Variants in AVEN observed in about 807,000 individuals in gnomAD.
AVEN encodes the protein apoptosis and caspase activation inhibitor.
A neutral mutation model predicts 38.1 loss-of-function variants in AVEN; 41 were observed. That is an observed-to-expected ratio of 1.08 (90% CI 0.84 to 1.40). The LOEUF (loss-of-function observed/expected upper bound fraction) is 1.40, where lower values mean the gene tolerates loss of function less well. Among genes scored for constraint, AVEN ranks in the 40% most tolerant of loss-of-function variants. The probability of loss-of-function intolerance (pLI) is 0.00; values close to 1 mark genes in which losing one functional copy is unlikely to be tolerated. For synonymous variants in AVEN, 206 were observed against 171.8 expected (o/e 1.20, Z -1.56); for missense variants, 605 against 438.8 (o/e 1.38, Z -3.38).
intron 2 of AVEN, among the ~76,000 whole-genome samples, chr15:33,952,054 AGAT>A (rs1417533433): frequency 4.6e-5 from 7 of 152,352 alleles, no homozygotes; most frequent in African/African-American, 1.7e-4. Flanking sequence ...CAAGATGTAT[AGAT>A]TATTCAGGGT....
At chr15:33,867,959 G>A in intron 4 of AVEN, 104 bp from the exon 5 acceptor site, 3 of 1,425,098 alleles carry the variant, frequency 2.1e-6, no homozygotes, top group South Asian at 2.9e-5. Flanking sequence ...TTGTGACAGA[G>A]GAAACTCAAT....
In AVEN at chr15:33,867,529, G is replaced by A. The variant is rs767121453; in HGVS notation, c.939C>T (p.Ser313=). 6.3e-7 allele frequency: 1 copy of A among 1,596,366 alleles called. No homozygotes were observed. The highest frequency in any genetic ancestry group is 8.5e-7 in the Non-Finnish European group (1 of 1,172,562). The change falls in exon 5 of 6, where the codon TCC becomes TCT. Residue 313 remains serine (S), a synonymous_variant. Transcript: ENST00000306730. ...LPDQTSQDLK[S]KEDGEVVQEE... The stretch of plus-strand genomic sequence containing the variant: ...CTTGGACCACCTCCCCATCTTCCTT[G>A]GATTTCAGGTCCTGAGACGTCTGAT...
chr15:34,058,576 A>ACG (rs1900236002), intron 5 of AVEN, among the ~76,000 whole-genome samples: 1 of 151,742 alleles, frequency 6.6e-6, no homozygotes, highest in African/African-American at 2.4e-5. Flanking sequence ...ACACACACAC[A>ACG]CACACACACA....
At chr15:33,878,371 TA>T (rs1407761607) in intron 2 of AVEN, among the ~76,000 whole-genome samples, 2 of 152,132 alleles carry the variant, frequency 1.3e-5, no homozygotes, top group Non-Finnish European at 2.9e-5. Flanking sequence ...TATGGAAACT[TA>T]GATATCGTAA....
intron 1 of AVEN, among the ~76,000 whole-genome samples, chr15:34,008,985 A>C (rs1897511864): frequency 6.7e-6 from 1 of 148,256 alleles, no homozygotes; most frequent in Non-Finnish European, 1.5e-5. Context: ...CAGACCATCG[A>C]GAAAACACTG....
intron 1 of AVEN, 25 bp from the exon 2 acceptor site, chr15:34,003,234 TA>T: frequency 6.2e-7 from 1 of 1,609,806 alleles, no homozygotes; most frequent in Non-Finnish European, 8.5e-7. Flanking sequence ...GACAAATCAA[TA>T]AGTAAGCAGT....
At chr15:33,860,929 AAT>A in intron 11 of AVEN, 2 of 575,294 alleles carry the variant, frequency 3.5e-6, no homozygotes, top group South Asian at 4.9e-5. Context: ...ACTAATAGCC[AAT>A]GTATGGCACT....
At chr15:33,965,318 T>C (rs1329120644) in intron 2 of AVEN, among the ~76,000 whole-genome samples, 1 of 152,196 alleles carries the variant, frequency 6.6e-6, no homozygotes, top group East Asian at 1.9e-4. Flanking sequence ...TTTCTCTTCA[T>C]TTATTAACTG....
intron 2 of AVEN, among the ~76,000 whole-genome samples, chr15:33,933,569 AGAGAGAGAGAGAACT>A (rs1893954319): frequency 7.6e-6 from 1 of 131,484 alleles, no homozygotes; most frequent in Non-Finnish European, 1.6e-5. Context: ...AGAGAGAGAG[AGAGAGAGAGAGAACT>A]GAGGCATCCT....
downstream of AVEN, among the ~76,000 whole-genome samples, chr15:33,862,897 G>A (rs540672456): frequency 8.5e-5 from 13 of 152,334 alleles, no homozygotes; most frequent in South Asian, 8.3e-4. Context: ...AATTAGAGGC[G>A]TGAGCCATCA....
chr15:33,966,027 G>C (rs1355720802), intron 2 of AVEN, among the ~76,000 whole-genome samples: 1 of 152,160 alleles, frequency 6.6e-6, no homozygotes, highest in East Asian at 1.9e-4. Context: ...GTACAGGCCA[G>C]TACTTAAGTC....
intron 2 of AVEN, among the ~76,000 whole-genome samples, chr15:33,877,949 AAATAAATAAAT>A (rs754893274): frequency 1.3e-5 from 2 of 152,218 alleles, no homozygotes; most frequent in African/African-American, 2.4e-5. Flanking sequence ...TCTCTGTCTC[AAATAAATAAAT>A]AATAAATAAA....
intron 1 of AVEN, among the ~76,000 whole-genome samples, chr15:34,036,404 G>C (rs1193392656): frequency 6.6e-6 from 1 of 152,146 alleles, no homozygotes; most frequent in Non-Finnish European, 1.5e-5. Flanking sequence ...TGGACAACTG[G>C]TCTTTACATG....
chr15:33,981,510 G>A (rs1036619106), intron 2 of AVEN, among the ~76,000 whole-genome samples: 1 of 152,024 alleles, frequency 6.6e-6, no homozygotes, highest in Non-Finnish European at 1.5e-5. Context: ...GGAAGGGGAG[G>A]AAACACAAGT....
intron 2 of AVEN, among the ~76,000 whole-genome samples, chr15:33,957,273 A>G (rs561086562): frequency 4.6e-5 from 7 of 152,316 alleles, no homozygotes; most frequent in African/African-American, 1.7e-4. Flanking sequence ...CCACACGTAT[A>G]TCCCAAAGGG....
chr15:34,027,825 C>CA (rs539182561), intron 1 of AVEN, among the ~76,000 whole-genome samples: 20,533 of 61,022 alleles, frequency 0.34, 2,366 homozygotes, highest in African/African-American at 0.41. Context: ...AGGTGAGGCT[C>CA]AAAAAAAAAA....
intron 5 of AVEN, among the ~76,000 whole-genome samples, chr15:33,866,950 G>C (rs992665866): frequency 2.0e-5 from 3 of 151,484 alleles, no homozygotes; most frequent in African/African-American, 7.3e-5. Context: ...TTTTTTCAAA[G>C]ACCAACAGCT....
At position 33,940,299 on chromosome 15, in the gene AVEN, T is replaced by A. The variant is rs1485980822; in HGVS notation, c.445+62733A>T. Among the ~76,000 whole-genome samples, 4 of 152,344 alleles carry A rather than the reference T, an allele frequency of 2.6e-5. No individual in the cohort carries two copies. The East Asian group carries it at 7.7e-4, about 29-fold the overall frequency. ...AAAAATCATTAAGGCAGCTATTAAC[T>A]TTCCAAAATAGAGTAATGCCAAATA... On this transcript the variant is annotated intron_variant, in intron 2 of 5. Coordinates refer to ENST00000306730, the MANE Select transcript of AVEN (RefSeq NM_020371.3).
chr15:34,048,824 C>T (rs1899823053), intron 5 of AVEN, among the ~76,000 whole-genome samples: 1 of 152,204 alleles, frequency 6.6e-6, no homozygotes, highest in South Asian at 2.1e-4. Flanking sequence ...TGGGATGGAG[C>T]CTCCAAAGGA....
Sources: gnomAD v4.1 joint callset for allele counts (sites outside exome capture counted in the v4.1 genomes callset) on GRCh38, gnomAD v4.1.1 for gene constraint, MANE v1.5 for transcripts, NCBI Gene and HGNC (gene_info 2026-07-23, HGNC 2026-07-21) for gene names.